SFTPD: variants seen among roughly 807,000 people sequenced by gnomAD.
SFTPD encodes pulmonary surfactant-associated protein D.
In SFTPD, 18 loss-of-function variants were observed where a neutral mutation model predicts 34.6. The ratio of observed to expected loss-of-function variants is 0.52; its 90% CI spans 0.36 to 0.77. SFTPD has a LOEUF of 0.77. SFTPD is among the 30% of genes least tolerant of loss of function. The pLI is 0.00. For synonymous variants in SFTPD, 155 were observed against 180.9 expected, an observed-to-expected ratio of 0.86 and a Z score of 1.15; for missense variants, 433 against 468.9, an observed-to-expected ratio of 0.92 and a Z score of 0.71.
intron 1 of SFTPD, chr10:79,982,258 C>T (rs1842895553): frequency 6.4e-6 from 6 of 933,698 alleles, no homozygotes; most frequent in South Asian, 4.9e-5. Flanking sequence ...CCGCGGGCGG[C>T]GGCGGGGGCG....
At chr10:79,956,275 A>G (rs1006588028) in intron 1 of SFTPD, among the ~76,000 whole-genome samples, 4 of 152,234 alleles carry the variant, frequency 2.6e-5, no homozygotes, top group Admixed American at 6.5e-5. Flanking sequence ...TACCGGGTTC[A>G]TCTCACTAGG....
chr10:79,946,680 A>G lies in SFTPD; in HGVS notation c.-3-18T>C, dbSNP rs1842669318. ...AGCATGGCCTGGAGAGGTGAACAGA[A>G]AGAGAAAAGACATGCTTATGCTTCA... On this transcript the variant is annotated intron_variant, in intron 1 of 7. Transcript: ENST00000372292. 1 of 1,607,252 alleles carries G rather than the reference A, an allele frequency of 6.2e-7. No individual in the cohort carries two copies. The highest frequency in any genetic ancestry group is 8.5e-7 in the Non-Finnish European group (1 of 1,176,112).
chr10:79,950,801 C>G (rs1333811900), upstream of SFTPD: 1 of 152,030 alleles, frequency 6.6e-6, no homozygotes, highest in Non-Finnish European at 1.5e-5. Context: ...TTTTTCTTCT[C>G]CCTCAGGAAT....
Position 79,941,490 on chromosome 10 carries a change from T to A in SFTPD, c.575A>T (p.Gln192Leu), listed in dbSNP as rs1842610880. 6.2e-7 allele frequency: 1 copy of A among 1,610,560 alleles called. No homozygotes were observed. Among genetic ancestry groups the A allele is most frequent in the South Asian group, 1.1e-5 (1 of 90,758 alleles). The change falls in exon 6 of 8, where the codon CAG becomes CTG. Residue 192 changes from glutamine to leucine, a missense_variant. By Grantham distance (113) the Gln-to-Leu change is moderately radical. Transcript: ENST00000372292. ...GGGTCCCCTGGCACCTGGACTTCCC[T>A]GGGGACCCATGGCTCCAGCAGACCC... is the stretch of plus-strand genomic sequence containing the variant. ...AAGSAGAMGP[Q>L]GSPGARGPPG...
chr10:79,952,803 G>A (rs762551758), upstream of SFTPD, among the ~76,000 whole-genome samples: 11 of 152,296 alleles, frequency 7.2e-5, no homozygotes, highest in East Asian at 3.9e-4. Context: ...GGGGGAGAGC[G>A]AGTGTGCCTG....
rs752809372 is a variant in SFTPD, at chr10:79,946,499, T to C, written c.161A>G (p.Asp54Gly). ...CTCGCCCCGAGGGCCCTCTCTCCCA[T>C]CCCGTCCATCGCGACCAGGCAGGCC... is the stretch of plus-strand genomic sequence containing the variant. ...ESGLPGRDGR[D>G]GREGPRGEKG... is the part of the protein sequence containing the mutation. Residue 54 changes from aspartate (D) to glycine (G), a missense_variant, in exon 2 of 8, where the codon GAT (aspartate) becomes GGT (glycine). Physicochemically the swap from Asp to Gly is moderately conservative, Grantham distance 94. Transcript: ENST00000372292. 3.5e-5 allele frequency: 56 copies of C among 1,613,936 alleles called. No homozygotes were observed. The highest frequency in any genetic ancestry group is 1.7e-5 in the Non-Finnish European group (20 of 1,179,986).
At chr10:79,940,812 TAAAG>T in intron 6 of SFTPD, 24 bp from the exon 7 acceptor site, 2 of 1,516,122 alleles carry the variant, frequency 1.3e-6, no homozygotes, top group Non-Finnish European at 1.8e-6. Context: ...AATGGCCAAG[TAAAG>T]ACTTGTCCAG....
rs1248030519 is a variant in SFTPD, at chr10:79,947,913, G to T, written c.-4+1153C>A. On this transcript the variant is annotated intron_variant, in intron 1 of 7. Coordinates refer to ENST00000372292, the MANE Select transcript of SFTPD (RefSeq NM_003019.5). ...AACCGTAAAGTTATGAGAGTGAAAA[G>T]AGCTGATCAGATTCGCAGAGGCTAG... Among the ~76,000 whole-genome samples the T allele has an allele frequency of 2.0e-5, 3 of 152,324 alleles. No individual in the cohort carries two copies. In the South Asian group the frequency reaches 6.2e-4, roughly 32 times the overall value.
intron 1 of SFTPD, chr10:79,968,909 A>T (rs532500296): frequency 1.3e-5 from 2 of 151,932 alleles, no homozygotes; most frequent in African/African-American, 2.4e-5. Context: ...ATTTGCATTT[A>T]TCTGATGATT....
chr10:79,947,559 T>C (rs1842677787), intron 1 of SFTPD, among the ~76,000 whole-genome samples: 1 of 152,102 alleles, frequency 6.6e-6, no homozygotes, highest in Non-Finnish European at 1.5e-5. Context: ...GATGTGGTGG[T>C]GCGTGCTGTA....
intron 3 of SFTPD, 84 bp downstream of exon 3, chr10:79,942,679 A>G: frequency 9.6e-7 from 1 of 1,040,198 alleles, no homozygotes; most frequent in Admixed American, 1.7e-5. Context: ...TCTTCCTGGG[A>G]TGGGCTCTGT....
At position 79,978,805 on chromosome 10, in the gene SFTPD, T is replaced by A. The variant is rs555113998; in HGVS notation, c.36+3770A>T. ...TTAGAAACAAGACAAGGATGTACAC[T>A]CTTGTTACTTCTATTTATCAAAATA... is the stretch of plus-strand genomic sequence containing the variant. On this transcript the variant is annotated intron_variant, in intron 1 of 5. Coordinates refer to the SFTPD transcript ENST00000444384. Among the ~76,000 whole-genome samples the A allele has an allele frequency of 2.6e-5, 4 of 152,000 alleles. 1 individual carries two copies. In the South Asian group the frequency reaches 8.3e-4, roughly 32 times the overall value.
intron 1 of SFTPD, among the ~76,000 whole-genome samples, chr10:79,963,563 T>TA (rs1241443559): frequency 1.3e-5 from 2 of 152,044 alleles, no homozygotes; most frequent in African/African-American, 4.8e-5. Context: ...CTGATTGCTA[T>TA]TTTAGTTTGC....
intron 7 of SFTPD, among the ~76,000 whole-genome samples, chr10:79,939,497 G>T (rs1842590652): frequency 2.0e-5 from 3 of 152,202 alleles, no homozygotes; most frequent in Non-Finnish European, 2.9e-5. Context: ...AGTATGTAAG[G>T]TTCATCTGGA....
At chr10:79,965,367 T>C (rs995907767) in intron 1 of SFTPD, among the ~76,000 whole-genome samples, 72 of 151,922 alleles carry the variant, frequency 4.7e-4, no homozygotes, top group African/African-American at 1.6e-3. Flanking sequence ...AACCCCACAA[T>C]ATCACCCCTT....
At chr10:79,973,541 C>A (rs1319963729) in intron 1 of SFTPD, among the ~76,000 whole-genome samples, 1 of 145,816 alleles carries the variant, frequency 6.9e-6, no homozygotes, top group Non-Finnish European at 1.5e-5. Flanking sequence ...CTGCTTGAAC[C>A]TGGGAGGGAG....
At chr10:79,967,257 A>T (rs1223925608) in intron 1 of SFTPD, among the ~76,000 whole-genome samples, 1 of 129,258 alleles carries the variant, frequency 7.7e-6, no homozygotes, top group Non-Finnish European at 1.6e-5. Flanking sequence ...GATGTGAAGG[A>T]CCTCTTCAAG....
upstream of SFTPD, among the ~76,000 whole-genome samples, chr10:79,952,589 C>T (rs2132507880): frequency 6.6e-6 from 1 of 152,316 alleles, no homozygotes; most frequent in South Asian, 2.1e-4. Context: ...ACTCTCCCTT[C>T]TCCTAAGAGC....
chr10:79,948,093 A>C (rs1842684170), intron 1 of SFTPD, among the ~76,000 whole-genome samples: 2 of 152,184 alleles, frequency 1.3e-5, no homozygotes, highest in Middle Eastern at 3.2e-3. Flanking sequence ...AGCCTCTTTC[A>C]ATTTTGAAAT....
Sources: allele counts gnomAD v4.1 joint callset (sites outside exome capture counted in the v4.1 genomes callset), GRCh38; gene constraint gnomAD v4.1.1; transcripts MANE v1.5; gene names NCBI Gene and HGNC (gene_info 2026-07-23, HGNC 2026-07-21).